The following C1GALT1 variants were observed in gnomAD, a reference collection of about 807,000 sequenced individuals.
C1GALT1 encodes the protein glycoprotein-N-acetylgalactosamine 3-beta-galactosyltransferase 1.
C1GALT1 carries 11 observed loss-of-function variants against 31.0 expected under a neutral mutation model. That is an observed-to-expected ratio of 0.36 (90% CI 0.22 to 0.59). The LOEUF (loss-of-function observed/expected upper bound fraction) is 0.59. C1GALT1 is among the 20% of genes least tolerant of loss of function. The pLI is 0.79. For missense variants in C1GALT1, 424 were observed against 425.2 expected (o/e 1.00, Z 0.03); for synonymous variants, 175 against 143.6 (o/e 1.22, Z -1.56).
intron 1 of C1GALT1, among the ~76,000 whole-genome samples, chr7:7,185,544 C>T (rs1018777203): frequency 6.6e-6 from 1 of 152,178 alleles, no homozygotes; most frequent in Non-Finnish European, 1.5e-5. Flanking sequence ...TGTTGTGTTA[C>T]TGCCAATCCT....
chr7:7,190,292 A>C (rs578171792), intron 1 of C1GALT1, among the ~76,000 whole-genome samples: 18 of 152,284 alleles, frequency 1.2e-4, no homozygotes, highest in African/African-American at 4.1e-4. Context: ...AAGCTGACTC[A>C]GGATTCTGAT....
At chr7:7,181,521 T>A (rs1397869279), upstream of C1GALT1, among the ~76,000 whole-genome samples, 1 of 152,232 alleles carries the variant, frequency 6.6e-6, no homozygotes, top group Admixed American at 6.5e-5. Context: ...TTCTTTTGGA[T>A]ATATTGATGC....
At chr7:7,210,100 G>C (rs531542203) in intron 1 of C1GALT1, among the ~76,000 whole-genome samples, 2 of 152,144 alleles carry the variant, frequency 1.3e-5, no homozygotes, top group Non-Finnish European at 2.9e-5. Flanking sequence ...GGATGTATAC[G>C]TGCAGGTCAC....
At position 7,204,884 on chromosome 7, in the gene C1GALT1, C is replaced by T. The variant is rs564072598; in HGVS notation, c.-18+22064C>T. ...ATTTCTAACTTCATTGTATTGTGCTCAGAGAAGATACTTTGTATGCTATCT... is the reference window on the plus strand; with the variant it reads ...ATTTCTAACTTCATTGTATTGTGCTTAGAGAAGATACTTTGTATGCTATCT... On this transcript the variant is annotated intron_variant, in intron 1 of 3. Coordinates refer to ENST00000436587, the MANE Select transcript of C1GALT1 (RefSeq NM_020156.5). Among the ~76,000 whole-genome samples, 4 of 152,216 alleles carry T rather than the reference C, an allele frequency of 2.6e-5. No homozygotes were observed. The South Asian group carries it at 8.3e-4, about 32-fold the overall frequency.
chr7:7,227,866 C>A (rs2128245748), intron 1 of C1GALT1, among the ~76,000 whole-genome samples: 1 of 152,302 alleles, frequency 6.6e-6, no homozygotes, highest in East Asian at 1.9e-4. Flanking sequence ...GATGTGCCCC[C>A]TTTGGCCTTG....
rs1783881005 is a variant in C1GALT1 at position 7,247,152 on chromosome 7, TCA to T, written c.*3426_*3427del. 6.6e-6 allele frequency: 1 copy of T among 152,182 alleles called. No homozygotes were observed. Among genetic ancestry groups the T allele is most frequent in the South Asian group, 2.1e-4 (1 of 4,830 alleles). 9.4% of individuals were successfully genotyped at this position (152,182 alleles called of 1,614,324 possible). On this transcript the variant is annotated 3_prime_UTR_variant, in exon 4 of 4. Coordinates refer to ENST00000436587, the MANE Select transcript of C1GALT1 (RefSeq NM_020156.5). ...TTATAACATACATTTTTCTGCTAAT[TCA>T]TTCTGTTTTGTGTGACCTAATAAAG...
chr7:7,178,013 C>G (rs1721401303), upstream of C1GALT1: 1 of 222,756 alleles, frequency 4.5e-6, no homozygotes, highest in African/African-American at 2.3e-5. Flanking sequence ...TTGGGCTTAC[C>G]AAAGTGGTGG....
intron 1 of C1GALT1, among the ~76,000 whole-genome samples, chr7:7,214,833 A>G (rs1373736680): frequency 6.6e-6 from 1 of 152,176 alleles, no homozygotes; most frequent in Non-Finnish European, 1.5e-5. Flanking sequence ...TATACTTTCC[A>G]CTTGCCTGGG....
intron 1 of C1GALT1, among the ~76,000 whole-genome samples, chr7:7,216,084 G>A (rs1288221530): frequency 6.6e-6 from 1 of 152,096 alleles, no homozygotes; most frequent in African/African-American, 2.4e-5. Context: ...TATTAGAAAT[G>A]CCATGCTCTT....
At chr7:7,213,090 GT>G (rs1782080702) in intron 1 of C1GALT1, among the ~76,000 whole-genome samples, 2 of 152,290 alleles carry the variant, frequency 1.3e-5, no homozygotes, top group Non-Finnish European at 2.9e-5. Flanking sequence ...AGTCCACTTA[GT>G]TAACTCTTGT....
At chr7:7,190,508 T>C (rs187364384) in intron 1 of C1GALT1, among the ~76,000 whole-genome samples, 1 of 152,300 alleles carries the variant, frequency 6.6e-6, no homozygotes, top group Non-Finnish European at 1.5e-5. Context: ...TCTCAGCACA[T>C]TGTCTTTAGT....
rs1783913355 is a variant in C1GALT1 at position 7,247,906 on chromosome 7, G to A, written c.*4179G>A. The A allele has an allele frequency of 1.3e-5, 2 of 151,990 alleles. No homozygotes were observed. The highest frequency in any genetic ancestry group is 3.8e-4 in the East Asian group (2 of 5,200). 9.4% of individuals were successfully genotyped at this position (151,990 alleles called of 1,614,324 possible). On this transcript the variant is annotated 3_prime_UTR_variant, in exon 4 of 4. Transcript: ENST00000436587. ...TAAAAGTCTAAGAATAATGCCTGCT[G>A]GCTCTCGAGATACTTGCCCTACTTA...
chr7:7,199,461 T>C (rs1437731220), intron 1 of C1GALT1, among the ~76,000 whole-genome samples: 2 of 152,324 alleles, frequency 1.3e-5, no homozygotes, highest in South Asian at 2.1e-4. Flanking sequence ...CTTCCAACTA[T>C]GTGGTAAGTT....
chr7:7,247,984 A>T lies in C1GALT1; in HGVS notation c.*4257A>T, dbSNP rs1215480961. On this transcript the variant is annotated 3_prime_UTR_variant, in exon 4 of 4. Transcript: ENST00000436587. The stretch of plus-strand genomic sequence containing the variant: ...TGTCTACAATTATTAAAGGAAGTAA[A>T]GTTATTTGGGTTCTTCCACTCACCC... 1 of 152,064 alleles carries T rather than the reference A, an allele frequency of 6.6e-6. No homozygotes were observed. Among genetic ancestry groups the T allele is most frequent in the Non-Finnish European group, 1.5e-5 (1 of 67,914 alleles). The allele number at this position is 152,064 out of a possible 1,614,324, so 9.4% of individuals were successfully genotyped here.
chr7:7,163,928 G>GC (rs1239643424), intron 2 of C1GALT1, among the ~76,000 whole-genome samples: 2 of 151,718 alleles, frequency 1.3e-5, no homozygotes, highest in African/African-American at 2.4e-5. Flanking sequence ...TCCCCATCAA[G>GC]CTACCAATGA....
chr7:7,232,515 CAG>C (rs200078660), intron 1 of C1GALT1, among the ~76,000 whole-genome samples: 17,619 of 141,010 alleles, frequency 0.12, 1,366 homozygotes, highest in East Asian at 0.36. Flanking sequence ...TTTTTTGAGA[CAG>C]AGTCTTGCTC....
intron 2 of C1GALT1, among the ~76,000 whole-genome samples, chr7:7,236,058 C>A (rs1353505247): frequency 6.6e-6 from 1 of 152,114 alleles, no homozygotes; most frequent in East Asian, 1.9e-4. Flanking sequence ...TACCTAGGTC[C>A]CTATCTACTG....
At chr7:7,178,921 A>T (rs2128228023), upstream of C1GALT1, among the ~76,000 whole-genome samples, 1 of 152,304 alleles carries the variant, frequency 6.6e-6, no homozygotes, top group Non-Finnish European at 1.5e-5. Flanking sequence ...GGAATTCAGG[A>T]GCACCTTAGC....
Position 7,159,374 on chromosome 7 carries a change from CAA to C in C1GALT1, c.-18+1949_-18+1950del, listed in dbSNP as rs1258566284. The stretch of plus-strand genomic sequence containing the variant: ...GATTGGAAAGACGCGGGACAAATAC[CAA>C]GAGCAGTAAAAGACTAGGAAGCAAA... On this transcript the variant is annotated intron_variant, in intron 2 of 3. Transcript: ENST00000429911. Among the ~76,000 whole-genome samples, 12 of 151,368 alleles carry C rather than the reference CAA, an allele frequency of 7.9e-5. 1 individual carries two copies. Among genetic ancestry groups the C allele is most frequent in the Admixed American group, 7.2e-4 (11 of 15,192 alleles).
Sources: allele counts gnomAD v4.1 joint callset (sites outside exome capture counted in the v4.1 genomes callset), GRCh38; gene constraint gnomAD v4.1.1; transcripts MANE v1.5; gene names NCBI Gene and HGNC (gene_info 2026-07-23, HGNC 2026-07-21).